Variants in GCLM observed in about 807,000 individuals in gnomAD.
GCLM encodes glutamate-cysteine ligase modifier subunit.
Under a neutral mutation model 36.0 loss-of-function variants are expected in GCLM, and 15 were observed. The observed-to-expected ratio is 0.42, with a 90% confidence interval of 0.28 to 0.64. GCLM has a LOEUF of 0.64. Among genes scored for constraint, GCLM ranks in the 30% least tolerant of loss-of-function variants. The probability of loss-of-function intolerance (pLI) is 0.25; values close to 1 mark genes in which losing one functional copy is unlikely to be tolerated. For synonymous variants in GCLM, 129 were observed against 122.8 expected, an observed-to-expected ratio of 1.05 and a Z score of -0.34; for missense variants, 242 against 325.5, an observed-to-expected ratio of 0.74 and a Z score of 1.97.
At chr1:93,896,845 A>G (rs760536262) in intron 4 of GCLM, 25 bp from the exon 5 acceptor site, 1 of 1,294,050 alleles carries the variant, frequency 7.7e-7, no homozygotes, top group South Asian at 1.2e-5. Flanking sequence ...GACACAAAGA[A>G]AATAAATGCT....
chr1:93,909,159 C>T lies in GCLM; in HGVS notation c.5G>A (p.Gly2Asp). Residue 2 changes from glycine (G) to aspartate (D), a missense_variant, in exon 1 of 7, where the codon GGC becomes GAC. Coordinates refer to ENST00000370238, the MANE Select transcript of GCLM (RefSeq NM_002061.4). ...CGCCTTGGCCGCGCGGCTGTCGGTG[C>T]CCATGGCAGCGGCCGCCCAGGGGCC... M[G>D]TDSRAAKALL... 7.5e-7 allele frequency: 1 copy of T among 1,332,272 alleles called. No individual in the cohort carries two copies. The highest frequency in any genetic ancestry group is 9.6e-7 in the Non-Finnish European group (1 of 1,039,792). 82.5% of individuals were successfully genotyped at this position (1,332,272 alleles called of 1,614,324 possible).
chr1:93,891,363 C>A lies in GCLM; in HGVS notation c.656-2204G>T, dbSNP rs543646317. Among the ~76,000 whole-genome samples, 24 of 152,262 alleles carry A rather than the reference C, an allele frequency of 1.6e-4. 1 individual carries two copies. In the East Asian group the frequency reaches 4.4e-3, roughly 28 times the overall value. On this transcript the variant is annotated intron_variant, in intron 6 of 6. Transcript: ENST00000370238. ...AATTAGCTTCTGCCTTTTCCTTGAA[C>A]ACACTTTTTCCAGATATTCACATGG...
At chr1:93,907,668 G>A (rs1458890258) in intron 1 of GCLM, among the ~76,000 whole-genome samples, 1 of 152,138 alleles carries the variant, frequency 6.6e-6, no homozygotes, top group Admixed American at 6.5e-5. Flanking sequence ...TCTATGTACC[G>A]AATACAGAAA....
Position 93,889,007 on chromosome 1 carries a change from T to C in GCLM, c.808A>G (p.Lys270Glu), listed in dbSNP as rs371902959. The change falls in exon 7 of 7, where the codon AAA becomes GAA. Residue 270 changes from lysine to glutamate, a missense_variant. Coordinates refer to ENST00000370238, the MANE Select transcript of GCLM (RefSeq NM_002061.4). ...IKSKGYILQA[K>E]RRGS ...TAAGTCAGTTAAGAACCCCTTCTTT[T>C]AGCTTGTAAAATGTAGCCTTTTGAT... is the stretch of plus-strand genomic sequence containing the variant. 2.5e-5 allele frequency: 39 copies of C among 1,591,416 alleles called. No homozygotes were observed. The highest frequency in any genetic ancestry group is 2.9e-5 in the Non-Finnish European group (34 of 1,170,250).
intron 5 of GCLM, 73 bp downstream of exon 5, chr1:93,896,545 G>A: frequency 8.2e-7 from 1 of 1,217,368 alleles, no homozygotes; most frequent in Non-Finnish European, 1.2e-6. Context: ...TGTGCATGAT[G>A]CTCAACAGTG....
chr1:93,908,420 C>T (rs770791167), intron 1 of GCLM, among the ~76,000 whole-genome samples: 2 of 152,066 alleles, frequency 1.3e-5, no homozygotes, highest in Non-Finnish European at 2.9e-5. Context: ...ATAGAATGTA[C>T]AATGATATTG....
chr1:93,897,807 C>T (rs1426970522), intron 4 of GCLM, 32 bp downstream of exon 4: 1 of 1,214,094 alleles, frequency 8.2e-7, no homozygotes, highest in South Asian at 1.4e-5. Flanking sequence ...TTAAAGTCCA[C>T]TATTAAGATA....
chr1:93,885,750 CA>C lies in GCLM; in HGVS notation c.*3239del, dbSNP rs1656280353. On this transcript the variant is annotated 3_prime_UTR_variant, in exon 7 of 7. Transcript: ENST00000370238. The stretch of plus-strand genomic sequence containing the variant: ...GAAGGATGAACTGCTAGCCAACATA[CA>C]ATAAATATATCAATTGTTTACATTC... 6.6e-6 allele frequency: 1 copy of C among 152,044 alleles called. No individual in the cohort carries two copies. The highest frequency in any genetic ancestry group is 2.4e-5 in the African/African-American group (1 of 41,366). 9.4% of individuals were successfully genotyped at this position (152,044 alleles called of 1,614,324 possible). A position where few individuals can be genotyped will look rare whatever the true frequency, so the allele number is the denominator to read the frequency against.
intron 3 of GCLM, among the ~76,000 whole-genome samples, chr1:93,898,830 C>G (rs1383991361): frequency 6.6e-6 from 1 of 152,028 alleles, no homozygotes; most frequent in East Asian, 1.9e-4. Context: ...CGATATGTTG[C>G]CCAGGGGCTC....
intron 5 of GCLM, among the ~76,000 whole-genome samples, chr1:93,895,985 CAG>C (rs1333393302): frequency 1.5e-5 from 2 of 131,552 alleles, no homozygotes; most frequent in Admixed American, 8.6e-5. Context: ...TTTTTTGAGA[CAG>C]AGTCTTGCTC....
chr1:93,909,223 G>C lies in GCLM; in HGVS notation c.-60C>G. ...GCTGCGGGCGGGCGGGCAGGCAGGCGGCCGCCCCACAGGACGCGGTGCCCG... is the reference window on the plus strand; with the variant it reads ...GCTGCGGGCGGGCGGGCAGGCAGGCCGCCGCCCCACAGGACGCGGTGCCCG... On this transcript the variant is annotated 5_prime_UTR_variant, in exon 1 of 7. Coordinates refer to ENST00000370238, the MANE Select transcript of GCLM (RefSeq NM_002061.4). 1.8e-6 allele frequency: 2 copies of C among 1,130,816 alleles called. No individual in the cohort carries two copies. Among genetic ancestry groups the C allele is most frequent in the South Asian group, 8.6e-5 (2 of 23,284 alleles). 70.0% of individuals were successfully genotyped at this position (1,130,816 alleles called of 1,614,324 possible).
intron 6 of GCLM, among the ~76,000 whole-genome samples, chr1:93,893,618 T>C (rs1006725177): frequency 6.6e-6 from 1 of 152,228 alleles, no homozygotes; most frequent in Non-Finnish European, 1.5e-5. Flanking sequence ...AAAAATGTCA[T>C]CGAGAATTAA....
In GCLM at chr1:93,886,978, A is replaced by G. The variant is rs1656330644; in HGVS notation, c.*2012T>C. 1 of 150,802 alleles carries G rather than the reference A, an allele frequency of 6.6e-6. No individual in the cohort carries two copies. The highest frequency in any genetic ancestry group is 1.5e-5 in the Non-Finnish European group (1 of 67,900). 9.3% of individuals were successfully genotyped at this position (150,802 alleles called of 1,614,324 possible). A position where few individuals can be genotyped will look rare whatever the true frequency, so the allele number is the denominator to read the frequency against. On this transcript the variant is annotated 3_prime_UTR_variant, in exon 7 of 7. Transcript: ENST00000370238. ...AAACAAGTTTTCCCAGGCAAATCAC[A>G]TGATTTCACATAATTTTTCTTTTTT...
intron 2 of GCLM, among the ~76,000 whole-genome samples, chr1:93,902,428 T>C (rs941313791): frequency 1.3e-5 from 2 of 149,410 alleles, no homozygotes; most frequent in African/African-American, 2.6e-5. Context: ...TCCGCCCACC[T>C]CGGCCTCCCA....
intron 6 of GCLM, among the ~76,000 whole-genome samples, chr1:93,889,920 A>G (rs17882506): frequency 6.7e-6 from 1 of 148,676 alleles, no homozygotes; most frequent in South Asian, 2.1e-4. Flanking sequence ...ATATATATAT[A>G]TTTTTTTTTG....
Position 93,894,766 on chromosome 1 carries a change from T to G in GCLM, c.541-38A>C, listed in dbSNP as rs777846638. 32 of 899,624 alleles carry G rather than the reference T, an allele frequency of 3.6e-5. No homozygotes were observed. In the South Asian group the frequency reaches 4.2e-4, roughly 12 times the overall value. The allele number at this position is 899,624 out of a possible 1,614,324, so 55.7% of individuals were successfully genotyped here. ...ATAAAATCATGATATCACTACTAAA[T>G]TAAATATAATACCAAAAGTAGAAAG... is the stretch of plus-strand genomic sequence containing the variant. On this transcript the variant is annotated intron_variant, in intron 5 of 6. Transcript: ENST00000370238.
chr1:93,906,672 T>C (rs944079724), intron 1 of GCLM, among the ~76,000 whole-genome samples: 3 of 152,222 alleles, frequency 2.0e-5, no homozygotes, highest in Admixed American at 2.0e-4. Flanking sequence ...ATTACATGTT[T>C]GCTATATTGA....
chr1:93,907,983 G>C (rs966947361), intron 1 of GCLM, among the ~76,000 whole-genome samples: 1 of 152,186 alleles, frequency 6.6e-6, no homozygotes, highest in Non-Finnish European at 1.5e-5. Flanking sequence ...CATAGTTTAG[G>C]AAGGTTTTTC....
intron 4 of GCLM, among the ~76,000 whole-genome samples, 199 bp from the exon 5 acceptor site, chr1:93,897,019 C>G (rs1471215229): frequency 1.3e-5 from 2 of 152,192 alleles, no homozygotes; most frequent in Non-Finnish European, 2.9e-5. Context: ...CCTACTTGCT[C>G]TGTGTGGCAG....
Sources: allele counts gnomAD v4.1 joint callset (sites outside exome capture counted in the v4.1 genomes callset), GRCh38; gene constraint gnomAD v4.1.1; transcripts MANE v1.5; gene names NCBI Gene and HGNC (gene_info 2026-07-23, HGNC 2026-07-21).